IL6R: variants seen among roughly 807,000 people sequenced by gnomAD.
IL6R encodes interleukin-6 receptor subunit alpha.
In IL6R, 38 loss-of-function variants were observed where a neutral mutation model predicts 48.3. The observed-to-expected ratio is 0.79, with a 90% CI of 0.61 to 1.03. IL6R has a LOEUF of 1.03. Among genes scored for constraint, IL6R ranks in the 50% least tolerant of loss-of-function variants. IL6R has a pLI of 0.00. For synonymous variants in IL6R, 264 were observed against 256.2 expected, an observed-to-expected ratio of 1.03 and a Z score of -0.29; for missense variants, 534 against 618.3, an observed-to-expected ratio of 0.86 and a Z score of 1.45.
intron 6 of IL6R, among the ~76,000 whole-genome samples, chr1:154,439,633 G>T (rs1689822625): frequency 6.6e-6 from 1 of 152,134 alleles, no homozygotes; most frequent in Non-Finnish European, 1.5e-5. Flanking sequence ...TTATTTTTAA[G>T]TGCACAGCTC....
intron 1 of IL6R, among the ~76,000 whole-genome samples, chr1:154,413,376 A>G (rs1009085113): frequency 1.4e-4 from 21 of 152,360 alleles, no homozygotes; most frequent in African/African-American, 4.8e-4. Flanking sequence ...ATAACTTTGC[A>G]TATGCCTCTT....
chr1:154,431,675 G>C (rs1361541789), intron 3 of IL6R, among the ~76,000 whole-genome samples: 2 of 152,164 alleles, frequency 1.3e-5, no homozygotes, highest in East Asian at 3.8e-4. Flanking sequence ...TGAGGTGAAT[G>C]ATGTAGGCAT....
intron 5 of IL6R, 31 bp downstream of exon 5, chr1:154,435,187 G>A (rs773305511): frequency 6.2e-7 from 1 of 1,607,058 alleles, no homozygotes; most frequent in Non-Finnish European, 8.5e-7. Flanking sequence ...TGGTCAGAGA[G>A]GCGCCCCTAG....
intron 9 of IL6R, among the ~76,000 whole-genome samples, chr1:154,461,822 G>A (rs1691280529): frequency 6.6e-6 from 1 of 152,326 alleles, no homozygotes; most frequent in South Asian, 2.1e-4. Flanking sequence ...CTGGGCCAAA[G>A]TGTGGAGATG....
At chr1:154,462,223 T>A (rs559078471) in intron 9 of IL6R, among the ~76,000 whole-genome samples, 1 of 152,300 alleles carries the variant, frequency 6.6e-6, no homozygotes. Flanking sequence ...TTTAGACAAA[T>A]CTCCTGAGTC....
At chr1:154,447,684 GTTTTTTGTTT>G (rs1218498895) in intron 6 of IL6R, among the ~76,000 whole-genome samples, 39 of 126,338 alleles carry the variant, frequency 3.1e-4, no homozygotes, top group Admixed American at 2.6e-3. Context: ...CCAGCATGCT[GTTTTTTGTTT>G]TGTTTTGTTT....
chr1:154,456,020 GCAATC>G (rs578138050), intron 9 of IL6R, among the ~76,000 whole-genome samples: 1 of 151,914 alleles, frequency 6.6e-6, no homozygotes, highest in African/African-American at 2.4e-5. Context: ...TTGCGCCACT[GCAATC>G]CAGCCTGGGT....
chr1:154,425,575 G>C (rs1480891841), intron 1 of IL6R, among the ~76,000 whole-genome samples: 1 of 151,718 alleles, frequency 6.6e-6, no homozygotes, highest in Non-Finnish European at 1.5e-5. Flanking sequence ...AAGAGTTTGA[G>C]ACCAGCCTGG....
intron 9 of IL6R, among the ~76,000 whole-genome samples, chr1:154,463,080 A>G (rs1331479977): frequency 6.6e-6 from 1 of 152,196 alleles, no homozygotes; most frequent in Non-Finnish European, 1.5e-5. Flanking sequence ...CTGGGATTAC[A>G]GGCATGAGCC....
intron 9 of IL6R, among the ~76,000 whole-genome samples, chr1:154,463,052 C>A (rs909182735): frequency 6.6e-6 from 1 of 152,194 alleles, no homozygotes; most frequent in African/African-American, 2.4e-5. Context: ...AATCCACCCA[C>A]CTTGGCCTCC....
intron 1 of IL6R, among the ~76,000 whole-genome samples, chr1:154,422,821 C>T (rs1688749407): frequency 6.6e-6 from 1 of 152,234 alleles, no homozygotes; most frequent in Non-Finnish European, 1.5e-5. Context: ...GGGCATATCT[C>T]CCAGGACCAG....
chr1:154,431,455 C>T (rs1376155127), intron 3 of IL6R, among the ~76,000 whole-genome samples: 1 of 152,090 alleles, frequency 6.6e-6, no homozygotes, highest in Non-Finnish European at 1.5e-5. Context: ...GTATGTTTTT[C>T]TATAGATATG....
intron 6 of IL6R, among the ~76,000 whole-genome samples, chr1:154,441,912 T>C (rs1382288568): frequency 6.6e-6 from 1 of 152,130 alleles, no homozygotes; most frequent in Non-Finnish European, 1.5e-5. Context: ...GTAGAGATGA[T>C]AGCACCAATC....
chr1:154,434,877 C>A, intron 4 of IL6R, 113 bp from the exon 5 acceptor site: 1 of 1,253,490 alleles, frequency 8.0e-7, no homozygotes, highest in Non-Finnish European at 1.1e-6. Flanking sequence ...TGGAGCTGTG[C>A]ATGGGGAGTG....
chr1:154,425,924 TA>T (rs1286637021), intron 1 of IL6R, among the ~76,000 whole-genome samples: 1 of 150,714 alleles, frequency 6.6e-6, no homozygotes, highest in Non-Finnish European at 1.5e-5. Context: ...TAGTAAAAAT[TA>T]AAAAATTAGC....
At chr1:154,412,057 C>T (rs1030366410) in intron 1 of IL6R, among the ~76,000 whole-genome samples, 14 of 150,144 alleles carry the variant, frequency 9.3e-5, no homozygotes, top group Non-Finnish European at 1.6e-4. Context: ...ACGCAGTTCT[C>T]CTGCCTCAGC....
At position 154,467,419 on chromosome 1, in the gene IL6R, C is replaced by T. The variant is rs1343234156; in HGVS notation, c.*2039C>T. On this transcript the variant is annotated 3_prime_UTR_variant, in exon 10 of 10. Coordinates refer to ENST00000368485, the MANE Select transcript of IL6R (RefSeq NM_000565.4). The stretch of plus-strand genomic sequence containing the variant: ...ACCAGACCACAAAACTTTTCTAATA[C>T]TCTACCCTCTTAGAAAAACCACCAC... 6.6e-6 allele frequency: 1 copy of T among 152,216 alleles called. No individual in the cohort carries two copies. Among genetic ancestry groups the T allele is most frequent in the South Asian group, 2.1e-4 (1 of 4,832 alleles). 9.4% of individuals were successfully genotyped at this position (152,216 alleles called of 1,614,324 possible). A position where few individuals can be genotyped will look rare whatever the true frequency, so the allele number is the denominator to read the frequency against.
intron 6 of IL6R, 76 bp downstream of exon 6, chr1:154,436,186 G>A: frequency 6.7e-7 from 1 of 1,490,722 alleles, no homozygotes; most frequent in Non-Finnish European, 9.1e-7. Context: ...TATGTGACAA[G>A]TTGCCTCAAA....
intron 6 of IL6R, among the ~76,000 whole-genome samples, chr1:154,438,988 A>G (rs1465106939): frequency 6.6e-6 from 1 of 152,172 alleles, no homozygotes; most frequent in African/African-American, 2.4e-5. Flanking sequence ...TGCATCCTTC[A>G]GGGTAGATCG....
Sources: allele counts gnomAD v4.1 joint callset (sites outside exome capture counted in the v4.1 genomes callset), GRCh38; gene constraint gnomAD v4.1.1; transcripts MANE v1.5; gene names NCBI Gene and HGNC (gene_info 2026-07-23, HGNC 2026-07-21).